ST6GALNAC6: variants seen among roughly 807,000 people sequenced by gnomAD.
ST6GALNAC6 encodes alpha-N-acetylgalactosaminide alpha-2,6-sialyltransferase 6.
In ST6GALNAC6, 19 loss-of-function variants were observed where a neutral mutation model predicts 34.3. The observed-to-expected ratio is 0.55, with a 90% CI of 0.39 to 0.81. The LOEUF (loss-of-function observed/expected upper bound fraction) is 0.81, where lower values mean the gene tolerates loss of function less well. Among genes scored for constraint, ST6GALNAC6 ranks in the 40% least tolerant of loss-of-function variants. ST6GALNAC6 has a pLI of 0.00. For synonymous variants in ST6GALNAC6, 185 were observed against 182.1 expected (o/e 1.02, Z -0.13); for missense variants, 377 against 467.7 (o/e 0.81, Z 1.79).
At chr9:127,888,285 C>T (rs1190255917) in intron 5 of ST6GALNAC6, among the ~76,000 whole-genome samples, 1 of 151,834 alleles carries the variant, frequency 6.6e-6, no homozygotes, top group Non-Finnish European at 1.5e-5. Flanking sequence ...GGGCGGATCA[C>T]CTGAGGTCAG....
Position 127,890,801 on chromosome 9 carries a change from G to GA in ST6GALNAC6, c.539dup (p.Ile181HisfsTer44). 6.2e-7 allele frequency: 1 copy of GA among 1,613,242 alleles called. No individual in the cohort carries two copies. Among genetic ancestry groups the GA allele is most frequent in the Non-Finnish European group, 8.5e-7 (1 of 1,179,218 alleles). ...TCTTGCTCGGGGGCCCCCAGAAGATGAACACGGTTTCAGGGGTCCGGTTGA... is the reference window on the plus strand; with the variant it reads ...TCTTGCTCGGGGGCCCCCAGAAGATGAAACACGGTTTCAGGGGTCCGGTTGA... On this transcript the variant is annotated frameshift_variant, in exon 5 of 7. Coordinates refer to ENST00000373146, the MANE Select transcript of ST6GALNAC6 (RefSeq NM_013443.5). LOFTEE classifies it high-confidence loss of function. The surrounding 1 kb of genome is among the most constrained non-coding windows in gnomAD (Gnocchi z 4.3).
In ST6GALNAC6 at chr9:127,894,593, G is replaced by A. The variant is rs767329176; in HGVS notation, c.216C>T (p.Ser72=). The change falls in exon 4 of 7, where the codon TCC becomes TCT. Residue 72 remains serine, a synonymous_variant. Transcript: ENST00000373146. ...NSANEVFHYG[S]LRGRSRRPVN... ...CAGGTCGGCGGCTACGGCCCCGCAG[G>A]GAGCCGTAATGGAAGACCTCATTGG... is the stretch of plus-strand genomic sequence containing the variant. 3 of 1,614,178 alleles carry A rather than the reference G, an allele frequency of 1.9e-6. No homozygotes were observed. In the Admixed American group the frequency reaches 5.0e-5, roughly 27 times the overall value.
upstream of ST6GALNAC6, chr9:127,899,653 C>G (rs1830679355): frequency 2.0e-6 from 2 of 983,782 alleles, no homozygotes; most frequent in Non-Finnish European, 2.4e-6. Context: ...CGGCCCGGCC[C>G]AGGCCTGGGA....
At chr9:127,897,427 G>A in intron 2 of ST6GALNAC6, 1 of 986,776 alleles carries the variant, frequency 1.0e-6, no homozygotes. Flanking sequence ...TCGGGCCAGA[G>A]GAGGCTTGGC....
At chr9:127,891,176 C>T (rs567681818) in intron 4 of ST6GALNAC6, 133 bp from the exon 5 acceptor site, 2 of 1,126,200 alleles carry the variant, frequency 1.8e-6, no homozygotes, top group Admixed American at 2.7e-5. Context: ...ATTCATTCCA[C>T]ATTCAGCACA....
At chr9:127,891,341 C>T (rs1042654950) in intron 4 of ST6GALNAC6, among the ~76,000 whole-genome samples, 1 of 152,162 alleles carries the variant, frequency 6.6e-6, no homozygotes, top group Non-Finnish European at 1.5e-5. Flanking sequence ...AATGGCTAAG[C>T]ATTGTAGCTC....
At chr9:127,888,397 G>C (rs1829916132) in intron 5 of ST6GALNAC6, among the ~76,000 whole-genome samples, 1 of 151,548 alleles carries the variant, frequency 6.6e-6, no homozygotes, top group African/African-American at 2.4e-5. Context: ...CCAGCTACAT[G>C]GGAGACTGAG....
rs563429691 is a variant in ST6GALNAC6, at chr9:127,886,426, G to A, written c.*173C>T. ...GCATAGACTCCCAAATCCCTGATTC[G>A]CCAACAGATTCCCCAGGCCCTGATT... is the stretch of plus-strand genomic sequence containing the variant. On this transcript the variant is annotated 3_prime_UTR_variant, in exon 7 of 7. Coordinates refer to ENST00000373146, the MANE Select transcript of ST6GALNAC6 (RefSeq NM_013443.5). 3 of 1,438,182 alleles carry A rather than the reference G, an allele frequency of 2.1e-6. No individual in the cohort carries two copies. Among genetic ancestry groups the A allele is most frequent in the East Asian group, 2.5e-5 (1 of 39,840 alleles). 89.1% of individuals were successfully genotyped at this position (1,438,182 alleles called of 1,614,324 possible).
In ST6GALNAC6 at chr9:127,894,843, C is replaced by G. The variant is rs1376245242; in HGVS notation, c.118-152G>C. ...CCAGGAAGGCCTCCTTCAGCCACCTCAGTCCCCCCATCACAACACTGATCA... is the reference window on the plus strand; with the variant it reads ...CCAGGAAGGCCTCCTTCAGCCACCTGAGTCCCCCCATCACAACACTGATCA... On this transcript the variant is annotated intron_variant, in intron 3 of 6. Transcript: ENST00000373146. 4 of 711,304 alleles carry G rather than the reference C, an allele frequency of 5.6e-6. No individual in the cohort carries two copies. The African/African-American group carries it at 7.1e-5, about 13-fold the overall frequency. The allele number at this position is 711,304 out of a possible 1,614,324, so 44.1% of individuals were successfully genotyped here. A position where few individuals can be genotyped will look rare whatever the true frequency, so the allele number is the denominator to read the frequency against.
intron 1 of ST6GALNAC6, chr9:127,904,910 GGT>G (rs1436631683): frequency 3.3e-5 from 5 of 152,402 alleles, no homozygotes; most frequent in Admixed American, 6.5e-5. Context: ...TTCTCACCTG[GGT>G]GTGTGAGATT....
rs771722544 is a variant in ST6GALNAC6, at chr9:127,896,244, T to G, written c.115A>C (p.Lys39Gln). 5.0e-6 allele frequency: 8 copies of G among 1,614,148 alleles called. No homozygotes were observed. The South Asian group carries it at 7.7e-5, about 16-fold the overall frequency. ...SRRRREMSSN[K>Q]EQRSAVFVIL... is the part of the protein sequence containing the mutation. The stretch of plus-strand genomic sequence containing the variant: ...TTAAGAAATGAAGGCAGACTTACTT[T>G]GTTGCTACTCATTTCTCTCCGGCGT... The change falls in exon 3 of 7, where the codon AAA becomes CAA. Residue 39 changes from lysine (K) to glutamine (Q), a missense_variant and splice_region_variant. By Grantham distance (53) the Lys-to-Gln change is moderately conservative. Transcript: ENST00000373146.
In ST6GALNAC6 at chr9:127,897,998, TCA is replaced by T; in HGVS notation, c.-19_-18del. 1.7e-5 allele frequency: 24 copies of T among 1,441,770 alleles called. 1 individual carries two copies. Among genetic ancestry groups the T allele is most frequent in the Non-Finnish European group, 2.2e-5 (23 of 1,031,122 alleles). 89.3% of individuals were successfully genotyped at this position (1,441,770 alleles called of 1,614,324 possible). On this transcript the variant is annotated 5_prime_UTR_variant, in exon 2 of 7. Transcript: ENST00000373146. Reference sequence around the variant, plus strand: ...GCAAGCCATGTGACCTCTCTGAGCCTCAGTTTCCTCATCTGTGAAATGGGAAC... The same window carrying T: ...GCAAGCCATGTGACCTCTCTGAGCCTGTTTCCTCATCTGTGAAATGGGAAC...
intron 2 of ST6GALNAC6, chr9:127,896,790 C>T: frequency 1.1e-6 from 1 of 917,650 alleles, no homozygotes; most frequent in Non-Finnish European, 1.3e-6. Flanking sequence ...CTGACTCCCA[C>T]TCATCCTCCA....
chr9:127,894,344 C>A (rs1830318303), intron 4 of ST6GALNAC6, among the ~76,000 whole-genome samples, 168 bp downstream of exon 4: 1 of 152,000 alleles, frequency 6.6e-6, no homozygotes, highest in South Asian at 2.1e-4. Context: ...GAACTGAGGC[C>A]CAGACAGGGG....
intron 4 of ST6GALNAC6, among the ~76,000 whole-genome samples, chr9:127,893,435 A>C (rs758992232): frequency 2.0e-5 from 3 of 152,156 alleles, no homozygotes; most frequent in Non-Finnish European, 4.4e-5. Context: ...AATGGGTTGG[A>C]ACCACATACT....
In ST6GALNAC6 at chr9:127,890,490, A is replaced by C; in HGVS notation, c.704+147T>G. On this transcript the variant is annotated intron_variant, in intron 5 of 6. Transcript: ENST00000373146. The surrounding 1 kb of genome is among the most constrained non-coding windows in gnomAD (Gnocchi z 4.3). Reference sequence around the variant, plus strand: ...CCCATGTGAACAGCTGGACATGAAGAGAACTCTCCTAGGAGGCCCAACCAG... The same window carrying C: ...CCCATGTGAACAGCTGGACATGAAGCGAACTCTCCTAGGAGGCCCAACCAG... The C allele has an allele frequency of 8.8e-7, 1 of 1,131,010 alleles. No homozygotes were observed. The highest frequency in any genetic ancestry group is 1.2e-6 in the Non-Finnish European group (1 of 803,824). The allele number at this position is 1,131,010 out of a possible 1,614,324, so 70.1% of individuals were successfully genotyped here.
intron 1 of ST6GALNAC6, 45 bp downstream of exon 1, chr9:127,899,458 T>G: frequency 1.3e-5 from 7 of 559,790 alleles, no homozygotes; most frequent in Non-Finnish European, 1.6e-5. Context: ...AGCCCCCGCC[T>G]CCGCCCCCGC....
upstream of ST6GALNAC6, among the ~76,000 whole-genome samples, chr9:127,901,959 A>G (rs1364701401): frequency 6.6e-6 from 1 of 152,074 alleles, no homozygotes; most frequent in Non-Finnish European, 1.5e-5. Flanking sequence ...ATAAAAGCAA[A>G]AGTCAAGAAC....
upstream of ST6GALNAC6, chr9:127,899,638 C>G (rs1261486693): frequency 4.7e-5 from 46 of 983,292 alleles, no homozygotes; most frequent in Non-Finnish European, 5.5e-5. Context: ...CTAGCGCCGC[C>G]GTCACGGCCC....
Sources: gnomAD v4.1 joint callset for allele counts (sites outside exome capture counted in the v4.1 genomes callset) on GRCh38, gnomAD v4.1.1 for gene constraint, Gnocchi (gnomAD v3.1) non-coding constraint, MANE v1.5 for transcripts, NCBI Gene and HGNC (gene_info 2026-07-23, HGNC 2026-07-21) for gene names.